CEP57L1: variants seen among roughly 807,000 people sequenced by gnomAD.
The protein encoded by CEP57L1 is centrosomal protein CEP57L1.
Under a neutral mutation model 61.0 loss-of-function variants are expected in CEP57L1, and 37 were observed. The ratio of observed to expected loss-of-function variants is 0.61; its 90% confidence interval spans 0.47 to 0.80. CEP57L1 has a LOEUF of 0.80. CEP57L1 is among the 30% of genes least tolerant of loss of function. The probability of loss-of-function intolerance (pLI) is 0.00; values close to 1 mark genes in which losing one functional copy is unlikely to be tolerated. For missense variants in CEP57L1, 422 were observed against 524.7 expected (o/e 0.80, Z 1.91); for synonymous variants, 137 against 162.3 (o/e 0.84, Z 1.19).
intron 10 of CEP57L1, 38 bp downstream of exon 10, chr6:109,160,754 A>G: frequency 6.4e-7 from 1 of 1,559,710 alleles, no homozygotes; most frequent in African/African-American, 1.4e-5. Context: ...ATAAAAACAC[A>G]AAATATCTGG....
intron 1 of CEP57L1, among the ~76,000 whole-genome samples, chr6:109,122,133 C>G (rs1773045733): frequency 6.6e-6 from 1 of 152,134 alleles, no homozygotes; most frequent in Non-Finnish European, 1.5e-5. Flanking sequence ...ATTTGCACTA[C>G]TACCAATCTG....
At position 109,171,242 on chromosome 6, in the gene CEP57L1, A is replaced by ATTTTTTTTTTTT. The variant is rs751539209; in HGVS notation, c.*8274_*8285dup. Among the ~76,000 whole-genome samples the ATTTTTTTTTTTT allele has an allele frequency of 7.0e-6, 1 of 143,464 alleles. No homozygotes were observed. The highest frequency in any genetic ancestry group is 2.6e-5 in the African/African-American group (1 of 38,956). The allele number at this position is 143,464 out of a possible 152,430, so 94.1% of individuals were successfully genotyped here. The stretch of plus-strand genomic sequence containing the variant: ...AAATAATGCCACAAAGTAGAGTTTG[A>ATTTTTTTTTTTT]TTTTTTTTTTTTTGAGACGGAGTTT... On this transcript the variant is annotated 3_prime_UTR_variant, in exon 11 of 11. Coordinates refer to ENST00000517392, the MANE Select transcript of CEP57L1 (RefSeq NM_001271852.3).
intron 1 of CEP57L1, among the ~76,000 whole-genome samples, chr6:109,111,905 G>T (rs1771678712): frequency 6.6e-6 from 1 of 152,200 alleles, no homozygotes; most frequent in African/African-American, 2.4e-5. Flanking sequence ...GCTTTTTCAT[G>T]TGCTGCTGGA....
intron 3 of CEP57L1, among the ~76,000 whole-genome samples, chr6:109,149,171 G>T (rs1426833161): frequency 6.6e-6 from 1 of 152,216 alleles, no homozygotes; most frequent in Non-Finnish European, 1.5e-5. Flanking sequence ...TGCTTTTGGT[G>T]TTGTAGACAT....
intron 1 of CEP57L1, among the ~76,000 whole-genome samples, chr6:109,115,100 T>C (rs1389388809): frequency 6.6e-6 from 1 of 152,198 alleles, no homozygotes; most frequent in African/African-American, 2.4e-5. Context: ...AAATTAATGA[T>C]AGTTGATTTT....
In CEP57L1 at chr6:109,159,130, G is replaced by A. The variant is rs143061563; in HGVS notation, c.822+28G>A. On this transcript the variant is annotated intron_variant, in intron 8 of 10. Transcript: ENST00000517392. ...GAGAGGGGATAAAATGAAGATAGTC[G>A]TTCAAAAAAACTCCTGTTTTGTTGT... The A allele has an allele frequency of 1.2e-3, 1,883 of 1,613,726 alleles. 21 individuals are homozygous for A. The African/African-American group carries it at 0.022, about 19-fold the overall frequency.
At chr6:109,121,841 G>C (rs1374497255) in intron 1 of CEP57L1, among the ~76,000 whole-genome samples, 1 of 152,110 alleles carries the variant, frequency 6.6e-6, no homozygotes, top group African/African-American at 2.4e-5. Context: ...ATTTTTAATA[G>C]TGTCTTTGTT....
chr6:109,134,871 T>C (rs1188603181), intron 1 of CEP57L1, among the ~76,000 whole-genome samples: 1 of 152,130 alleles, frequency 6.6e-6, no homozygotes, highest in Non-Finnish European at 1.5e-5. Flanking sequence ...GTGAAGGACC[T>C]CTTCAAGGAG....
chr6:109,146,656 G>A (rs1771992307), intron 2 of CEP57L1, 102 bp from the exon 3 acceptor site: 1 of 719,274 alleles, frequency 1.4e-6, no homozygotes, highest in African/African-American at 1.9e-5. Context: ...ACATTTTTCT[G>A]GCTCAGTAAC....
intron 1 of CEP57L1, among the ~76,000 whole-genome samples, chr6:109,137,570 G>C (rs1242721775): frequency 6.6e-6 from 1 of 152,162 alleles, no homozygotes; most frequent in East Asian, 1.9e-4. Context: ...AAAGTGCTGG[G>C]ATTACAGGTG....
At chr6:109,148,090 G>C (rs1772158971) in intron 3 of CEP57L1, among the ~76,000 whole-genome samples, 1 of 151,826 alleles carries the variant, frequency 6.6e-6, no homozygotes, top group African/African-American at 2.4e-5. Context: ...GTAATTGACT[G>C]GTTATTATTT....
Position 109,146,933 on chromosome 6 carries a change from A to G in CEP57L1, c.336A>G (p.Lys112=), listed in dbSNP as rs61738623. 0.024 allele frequency: 37,806 copies of G among 1,603,624 alleles called. 530 individuals carry two copies. The highest frequency in any genetic ancestry group is 0.027 in the Non-Finnish European group (32,276 of 1,176,628). The change falls in exon 3 of 11, where the codon AAA becomes AAG. Residue 112 remains lysine (K), a synonymous_variant. Coordinates refer to ENST00000517392, the MANE Select transcript of CEP57L1 (RefSeq NM_001271852.3). The stretch of plus-strand genomic sequence containing the variant: ...CACACCAGGAGCTGATAAAGCAGAA[A>G]AAAGGTAAGAAATGCAGTAGTTCTC... The part of the protein sequence containing the change: ...NLAHQELIKQ[K]KDISIQLSSA...
In CEP57L1 at chr6:109,164,589, T is replaced by G. The variant is rs902133132; in HGVS notation, c.*1619T>G. On this transcript the variant is annotated 3_prime_UTR_variant, in exon 11 of 11. Coordinates refer to ENST00000517392, the MANE Select transcript of CEP57L1 (RefSeq NM_001271852.3). Reference sequence around the variant, plus strand: ...ACCTGTTTTTCTACTTTGCCTTTCCTCCTTGAGGATATGAGTTTTATAGCT... The same window carrying G: ...ACCTGTTTTTCTACTTTGCCTTTCCGCCTTGAGGATATGAGTTTTATAGCT... 2.0e-5 allele frequency among the ~76,000 whole-genome samples: 3 copies of G among 152,132 alleles called. No homozygotes were observed. The highest frequency in any genetic ancestry group is 6.6e-5 in the Admixed American group (1 of 15,260).
chr6:109,115,103 T>A (rs1199275312), intron 1 of CEP57L1, among the ~76,000 whole-genome samples: 3 of 152,190 alleles, frequency 2.0e-5, no homozygotes, highest in African/African-American at 7.2e-5. Flanking sequence ...TTAATGATAG[T>A]TGATTTTGTA....
At chr6:109,147,035 T>G in intron 3 of CEP57L1, 98 bp downstream of exon 3, 3 of 895,310 alleles carry the variant, frequency 3.4e-6, no homozygotes, top group Non-Finnish European at 4.9e-6. Context: ...GATATCTTTA[T>G]TCTTATATAT....
rs1774141468 is a variant in CEP57L1, at chr6:109,166,901, C to T, written c.*3931C>T. Among the ~76,000 whole-genome samples, 1 of 152,116 alleles carries T rather than the reference C, an allele frequency of 6.6e-6. No homozygotes were observed. The highest frequency in any genetic ancestry group is 1.5e-5 in the Non-Finnish European group (1 of 68,020). Reference sequence around the variant, plus strand: ...GAACAATATTCAGCTGTAACTAAAGCTTTATCTACTGAGAACATTTAATTG... The same window carrying T: ...GAACAATATTCAGCTGTAACTAAAGTTTTATCTACTGAGAACATTTAATTG... On this transcript the variant is annotated 3_prime_UTR_variant, in exon 11 of 11. Transcript: ENST00000517392.
chr6:109,128,712 A>G (rs1158231819), intron 1 of CEP57L1, among the ~76,000 whole-genome samples: 2 of 152,152 alleles, frequency 1.3e-5, no homozygotes, highest in Non-Finnish European at 2.9e-5. Flanking sequence ...ACATTTATTC[A>G]CTATACTCCA....
intron 1 of CEP57L1, among the ~76,000 whole-genome samples, chr6:109,142,556 A>G (rs2114843479): frequency 6.6e-6 from 1 of 152,174 alleles, no homozygotes; most frequent in Middle Eastern, 3.4e-3. Flanking sequence ...CGTTCTGCAC[A>G]TGTATTCCAT....
At chr6:109,154,213 G>A (rs351734) in intron 5 of CEP57L1, among the ~76,000 whole-genome samples, 38,705 of 152,026 alleles carry the variant, frequency 0.25, 6,394 homozygotes, top group Non-Finnish European at 0.35. Flanking sequence ...TACCTAAAGG[G>A]TATTGAAAAA....
Sources: allele counts gnomAD v4.1 joint callset (sites outside exome capture counted in the v4.1 genomes callset), GRCh38; gene constraint gnomAD v4.1.1; transcripts MANE v1.5; gene names NCBI Gene and HGNC (gene_info 2026-07-23, HGNC 2026-07-21).